The following MDGA2 variants were observed in gnomAD, a reference collection of about 807,000 sequenced individuals.
MDGA2 encodes MAM domain-containing glycosylphosphatidylinositol anchor protein 2.
MDGA2 carries 40 observed loss-of-function variants against 117.8 expected under a neutral mutation model. That is an observed-to-expected ratio of 0.34 (90% CI 0.26 to 0.44). The LOEUF is 0.44. Ranked by LOEUF, MDGA2 falls within the 20% of genes least tolerant of loss-of-function variation. MDGA2 has a pLI of 1.00. For missense variants in MDGA2, 1,123 were observed against 1,250.6 expected, an observed-to-expected ratio of 0.90 and a Z score of 1.54; for synonymous variants, 452 against 439.0, an observed-to-expected ratio of 1.03 and a Z score of -0.37.
chr14:46,860,549 T>C (rs1881467421), intron 14 of MDGA2, among the ~76,000 whole-genome samples: 1 of 152,010 alleles, frequency 6.6e-6, no homozygotes, highest in African/African-American at 2.4e-5. Flanking sequence ...GTGTTGCATT[T>C]TCACTTTTTG....
chr14:47,186,129 TA>T (rs1042787458), intron 3 of MDGA2, among the ~76,000 whole-genome samples: 2 of 151,470 alleles, frequency 1.3e-5, no homozygotes, highest in African/African-American at 4.8e-5. Flanking sequence ...TCAAAACTAT[TA>T]AGAAAAAATA....
At chr14:47,628,759 T>A (rs79052085) in intron 1 of MDGA2, among the ~76,000 whole-genome samples, 2 of 151,996 alleles carry the variant, frequency 1.3e-5, no homozygotes, top group African/African-American at 4.8e-5. Flanking sequence ...GAATGAAGAT[T>A]TTTTTCCCCC....
chr14:47,036,487 A>G (rs528558522), intron 7 of MDGA2, among the ~76,000 whole-genome samples: 2 of 152,302 alleles, frequency 1.3e-5, no homozygotes, highest in East Asian at 1.9e-4. Context: ...GTTCCACTGG[A>G]AGATTCTTAT....
At chr14:47,211,890 A>T (rs1412425226) in intron 3 of MDGA2, among the ~76,000 whole-genome samples, 1 of 152,156 alleles carries the variant, frequency 6.6e-6, no homozygotes, top group South Asian at 2.1e-4. Context: ...TATTAACCTT[A>T]TTACTTAACA....
chr14:47,333,033 T>G (rs1389576205), intron 1 of MDGA2, among the ~76,000 whole-genome samples: 2 of 151,988 alleles, frequency 1.3e-5, no homozygotes, highest in Non-Finnish European at 2.9e-5. Context: ...CACATTTTCT[T>G]TATCCAGTCA....
At chr14:47,271,918 A>C (rs552122852) in intron 2 of MDGA2, among the ~76,000 whole-genome samples, 4 of 152,256 alleles carry the variant, frequency 2.6e-5, no homozygotes, top group Admixed American at 2.6e-4. Context: ...GCTGAAAATC[A>C]CTTTTAAGTT....
At chr14:47,132,734 T>G (rs544823625) in intron 4 of MDGA2, among the ~76,000 whole-genome samples, 106 of 152,058 alleles carry the variant, frequency 7.0e-4, no homozygotes, top group Non-Finnish European at 1.3e-4. Flanking sequence ...TTACTTATTT[T>G]AATGGCAAAA....
At chr14:46,851,093 G>T (rs1028382981) in intron 15 of MDGA2, among the ~76,000 whole-genome samples, 1 of 151,790 alleles carries the variant, frequency 6.6e-6, no homozygotes, top group East Asian at 1.9e-4. Context: ...CTGTTACAGT[G>T]TTAAGCATTT....
rs549565362 is a variant in MDGA2 at position 47,452,695 on chromosome 14, C to A, written c.281-151145G>T. On this transcript the variant is annotated intron_variant, in intron 1 of 16. Coordinates refer to ENST00000399232, the MANE Select transcript of MDGA2 (RefSeq NM_001113498.3). ...TGTTGCTCCTTAGCACTAGTCTAACCAAGGATACATTTCCCAGTCCCATTG... is the reference window on the plus strand; with the variant it reads ...TGTTGCTCCTTAGCACTAGTCTAACAAAGGATACATTTCCCAGTCCCATTG... Among the ~76,000 whole-genome samples the A allele has an allele frequency of 2.0e-5, 3 of 152,078 alleles. No homozygotes were observed. In the East Asian group the frequency reaches 5.8e-4, roughly 29 times the overall value.
intron 7 of MDGA2, among the ~76,000 whole-genome samples, chr14:47,040,961 G>A (rs1401260912): frequency 2.0e-5 from 3 of 152,156 alleles, no homozygotes; most frequent in Admixed American, 1.3e-4. Flanking sequence ...AGCAGAAGAA[G>A]ATGGTAGGAA....
rs376517625 is a variant in MDGA2, at chr14:47,449,120, A to AT, written c.281-147571dup. 6.1e-4 allele frequency among the ~76,000 whole-genome samples: 93 copies of AT among 152,232 alleles called. 1 individual carries two copies. Among genetic ancestry groups the AT allele is most frequent in the African/African-American group, 2.0e-3 (82 of 41,564 alleles). The stretch of plus-strand genomic sequence containing the variant: ...AACAGCCAGGACTCATTAAACTAGC[A>AT]TTTTGTCTTTGCCTGTCCTGCAACA... On this transcript the variant is annotated intron_variant, in intron 1 of 16. Coordinates refer to ENST00000399232, the MANE Select transcript of MDGA2 (RefSeq NM_001113498.3).
chr14:47,367,001 C>T (rs61993128), intron 1 of MDGA2, among the ~76,000 whole-genome samples: 2 of 151,898 alleles, frequency 1.3e-5, no homozygotes, highest in African/African-American at 2.4e-5. Context: ...ATTGTTAGAA[C>T]TAATAATGTG....
chr14:47,094,660 T>C (rs573651226), intron 6 of MDGA2, among the ~76,000 whole-genome samples: 98 of 152,160 alleles, frequency 6.4e-4, no homozygotes, highest in Middle Eastern at 6.8e-3. Context: ...GATGTTGCAG[T>C]ACTTTAATAT....
At chr14:47,301,587 AAAGGT>A (rs1889287358) in intron 1 of MDGA2, 37 bp from the exon 2 acceptor site, 1 of 1,550,156 alleles carries the variant, frequency 6.5e-7, no homozygotes, top group Non-Finnish European at 8.7e-7. Flanking sequence ...AGATACATGA[AAAGGT>A]AAGTCAGTGA....
At chr14:47,300,621 C>G (rs965760232) in intron 2 of MDGA2, among the ~76,000 whole-genome samples, 4 of 151,872 alleles carry the variant, frequency 2.6e-5, no homozygotes, top group African/African-American at 9.7e-5. Context: ...TCCAGAGTAG[C>G]TGAGACTACG....
At position 46,841,643 on chromosome 14, in the gene MDGA2, C is replaced by G; in HGVS notation, c.*288G>C. On this transcript the variant is annotated 3_prime_UTR_variant, in exon 17 of 17. Transcript: ENST00000399232. ...CTTTTTTTCATTTTTTTTTTTTTTT[C>G]CAGAGTTCAACCAGATGACGCTGTA... The G allele has an allele frequency of 4.6e-5, 3 of 64,806 alleles. No individual in the cohort carries two copies. Among genetic ancestry groups the G allele is most frequent in the Non-Finnish European group, 3.5e-5 (1 of 28,780 alleles). 4.0% of individuals were successfully genotyped at this position (64,806 alleles called of 1,614,324 possible).
chr14:47,236,985 C>T (rs978844908), intron 2 of MDGA2, among the ~76,000 whole-genome samples: 2 of 152,126 alleles, frequency 1.3e-5, no homozygotes, highest in Admixed American at 1.3e-4. Flanking sequence ...ATATAACTTA[C>T]TAGTGCAAAT....
intron 7 of MDGA2, among the ~76,000 whole-genome samples, chr14:47,044,806 A>G (rs1359685364): frequency 6.6e-6 from 1 of 152,178 alleles, no homozygotes; most frequent in African/African-American, 2.4e-5. Context: ...TGGAAGTTCT[A>G]AGGGGAAATG....
chr14:46,856,238 A>G (rs1263105349), intron 14 of MDGA2, among the ~76,000 whole-genome samples: 1 of 152,126 alleles, frequency 6.6e-6, no homozygotes, highest in Non-Finnish European at 1.5e-5. Flanking sequence ...TCAATATTTT[A>G]CTAGATAATT....
Sources: gnomAD v4.1 joint callset for allele counts (sites outside exome capture counted in the v4.1 genomes callset) on GRCh38, gnomAD v4.1.1 for gene constraint, MANE v1.5 for transcripts, NCBI Gene and HGNC (gene_info 2026-07-23, HGNC 2026-07-21) for gene names.